Variants in COL23A1 observed in about 807,000 individuals in gnomAD.
COL23A1 encodes collagen alpha-1(XXIII) chain.
Under a neutral mutation model 99.3 loss-of-function variants are expected in COL23A1, and 97 were observed. The observed-to-expected ratio is 0.98, with a 90% CI of 0.83 to 1.16. The LOEUF is 1.16. COL23A1 is among the 50% of genes most tolerant of loss of function. The pLI, the probability that COL23A1 is intolerant of heterozygous loss-of-function variation, is 0.00. For missense variants in COL23A1, 762 were observed against 757.4 expected (o/e 1.01, Z -0.07); for synonymous variants, 320 against 308.2 (o/e 1.04, Z -0.40).
chr5:178,496,925 G>C (rs1758228122), intron 2 of COL23A1, among the ~76,000 whole-genome samples: 1 of 152,178 alleles, frequency 6.6e-6, no homozygotes, highest in Non-Finnish European at 1.5e-5. Flanking sequence ...TGAAACATGG[G>C]AGCGTGAGAC....
chr5:178,585,749 T>TACAGCCCTG (rs1562115741), intron 1 of COL23A1, among the ~76,000 whole-genome samples: 26 of 151,518 alleles, frequency 1.7e-4, no homozygotes, highest in South Asian at 6.2e-4. Context: ...TGGCTGACCC[T>TACAGCCCTG]GTTGGTTGCT....
chr5:178,542,987 A>T (rs1242434323), intron 2 of COL23A1, among the ~76,000 whole-genome samples: 1 of 152,242 alleles, frequency 6.6e-6, no homozygotes, highest in Non-Finnish European at 1.5e-5. Flanking sequence ...CAATACTGAC[A>T]TCCTAGGGCA....
At chr5:178,522,154 CT>C (rs1468879750) in intron 2 of COL23A1, among the ~76,000 whole-genome samples, 1 of 152,120 alleles carries the variant, frequency 6.6e-6, no homozygotes, top group Non-Finnish European at 1.5e-5. Flanking sequence ...TCCGAGTTAA[CT>C]GGATGAAGGT....
At chr5:178,416,046 A>C (rs7716440) in intron 2 of COL23A1, among the ~76,000 whole-genome samples, 21,542 of 151,998 alleles carry the variant, frequency 0.14, 2,477 homozygotes, top group East Asian at 0.39. Context: ...AGAGTCCCAA[A>C]CATCAGCTGC....
chr5:178,263,667 C>T (rs565134318), intron 8 of COL23A1, among the ~76,000 whole-genome samples: 183 of 152,324 alleles, frequency 1.2e-3, no homozygotes, highest in African/African-American at 3.6e-3. Flanking sequence ...CTTTCTAGAA[C>T]GGGGTCTGAG....
At chr5:178,445,792 G>A (rs1767126696) in intron 2 of COL23A1, among the ~76,000 whole-genome samples, 1 of 151,966 alleles carries the variant, frequency 6.6e-6, no homozygotes, top group African/African-American at 2.4e-5. Flanking sequence ...CAGATGCCAT[G>A]AAGAAACATG....
rs1446493562 is a variant in COL23A1 at position 178,434,089 on chromosome 5, C to T, written c.361+126593G>A. 6.6e-6 allele frequency among the ~76,000 whole-genome samples: 1 copy of T among 152,188 alleles called. No individual in the cohort carries two copies. The highest frequency in any genetic ancestry group is 2.4e-5 in the African/African-American group (1 of 41,430). On this transcript the variant is annotated intron_variant, in intron 2 of 28. Transcript: ENST00000390654. This position sits in a 1 kb window ranked among gnomAD's most constrained non-coding sequence, Gnocchi z 4.3. ...TAAATGTCCATTGTTGATGCCATCC[C>T]AACTGGTACTTTGTTATGGCAGCGC...
intron 2 of COL23A1, among the ~76,000 whole-genome samples, chr5:178,331,016 C>T (rs932759883): frequency 1.3e-5 from 2 of 152,222 alleles, no homozygotes; most frequent in African/African-American, 2.4e-5. Flanking sequence ...ACTTCTCAGC[C>T]GGATAAACCT....
intron 2 of COL23A1, among the ~76,000 whole-genome samples, chr5:178,364,356 T>C (rs1250000791): frequency 8.3e-6 from 1 of 120,706 alleles, no homozygotes; most frequent in Non-Finnish European, 1.8e-5. Context: ...TTTGAATCTC[T>C]TGGTTTGGGA....
At chr5:178,404,198 G>T (rs573721461) in intron 2 of COL23A1, among the ~76,000 whole-genome samples, 1 of 152,352 alleles carries the variant, frequency 6.6e-6, no homozygotes, top group East Asian at 1.9e-4. Context: ...TCTCTCTTCA[G>T]ATCCCCTTGT....
intron 2 of COL23A1, among the ~76,000 whole-genome samples, chr5:178,531,827 C>T (rs1053224533): frequency 3.9e-5 from 6 of 152,218 alleles, no homozygotes; most frequent in African/African-American, 1.2e-4. Context: ...GCCTTCTAAG[C>T]GATCCCTGCC....
intron 2 of COL23A1, among the ~76,000 whole-genome samples, chr5:178,403,527 G>C (rs1764585858): frequency 6.6e-6 from 1 of 152,200 alleles, no homozygotes; most frequent in South Asian, 2.1e-4. Flanking sequence ...CAGAGGCCCC[G>C]GTGCCTGGCC....
intron 2 of COL23A1, among the ~76,000 whole-genome samples, chr5:178,397,614 C>T (rs1204449665): frequency 2.6e-5 from 4 of 152,198 alleles, no homozygotes; most frequent in African/African-American, 9.7e-5. Flanking sequence ...ATAAATGCAC[C>T]TGCTGTTTGA....
intron 2 of COL23A1, among the ~76,000 whole-genome samples, chr5:178,547,461 A>ACACATACC (rs775189339): frequency 4.6e-4 from 24 of 52,178 alleles, no homozygotes; most frequent in Non-Finnish European, 1.1e-3. Flanking sequence ...ACGTGTGGGC[A>ACACATACC]CACACACCCA....
Position 178,544,425 on chromosome 5 carries a change from T to C in COL23A1, c.361+16257A>G, listed in dbSNP as rs1761468954. On this transcript the variant is annotated intron_variant, in intron 2 of 28. Transcript: ENST00000390654. The surrounding 1 kb of genome is among the most constrained non-coding windows in gnomAD (Gnocchi z 4.4). ...GGCACCACTTTGCCCTCCTGAAAAT[T>C]AAGCCCAAGACCTGCCATGGCGGTG... 6.6e-6 allele frequency among the ~76,000 whole-genome samples: 1 copy of C among 152,156 alleles called. No individual in the cohort carries two copies. The highest frequency in any genetic ancestry group is 2.4e-5 in the African/African-American group (1 of 41,432).
chr5:178,252,788 G>C (rs532383705), intron 16 of COL23A1, among the ~76,000 whole-genome samples, 191 bp from the exon 17 acceptor site: 17 of 152,318 alleles, frequency 1.1e-4, no homozygotes, highest in African/African-American at 3.8e-4. Flanking sequence ...TCCCAGGCTT[G>C]GGGGAGGCCA....
rs371407481 is a variant in COL23A1, at chr5:178,257,561, C to T, written c.736G>A (p.Asp246Asn). The T allele has an allele frequency of 3.2e-5, 50 of 1,559,542 alleles. No individual in the cohort carries two copies. The Middle Eastern group carries it at 1.0e-3, about 32-fold the overall frequency. Residue 246 changes from aspartate (D) to asparagine (N), a missense_variant, in exon 13 of 29, where the codon GAT becomes AAT. By Grantham distance (23) the Asp-to-Asn change is conservative. Coordinates refer to ENST00000390654, the MANE Select transcript of COL23A1 (RefSeq NM_173465.4). ...GGTCCAGGCTGGCTTGGTGTCCCAT[C>T]GTCGCCCTGAGGAGAGGACACCTGG... Reference protein sequence around the residue: ...EPGVPGKKGDDGTPSQPGPPG... With the variant: ...EPGVPGKKGDNGTPSQPGPPG...
intron 2 of COL23A1, among the ~76,000 whole-genome samples, chr5:178,368,747 T>C (rs533382601): frequency 2.6e-5 from 4 of 152,382 alleles, no homozygotes; most frequent in African/African-American, 9.6e-5. Flanking sequence ...TCACAGCGAC[T>C]TCCTTCCAGG....
At chr5:178,554,104 C>T (rs1481374646) in intron 2 of COL23A1, among the ~76,000 whole-genome samples, 2 of 152,038 alleles carry the variant, frequency 1.3e-5, no homozygotes, top group African/African-American at 2.4e-5. Flanking sequence ...AATCGGGCCA[C>T]GCAGCCTAGA....
Sources: allele counts gnomAD v4.1 joint callset (sites outside exome capture counted in the v4.1 genomes callset), GRCh38; gene constraint gnomAD v4.1.1; non-coding constraint Gnocchi (gnomAD v3.1); transcripts MANE v1.5; gene names NCBI Gene and HGNC (gene_info 2026-07-23, HGNC 2026-07-21).